The following NCAM1 variants were observed in gnomAD, a reference collection of about 807,000 sequenced individuals.
The protein encoded by NCAM1 is neural cell adhesion molecule 1.
In NCAM1, 14 loss-of-function variants were observed where a neutral mutation model predicts 109.8. The ratio of observed to expected loss-of-function variants is 0.13; its 90% CI spans 0.08 to 0.20. The LOEUF (loss-of-function observed/expected upper bound fraction) is 0.20, where lower values mean the gene tolerates loss of function less well. Among genes scored for constraint, NCAM1 ranks in the 10% least tolerant of loss-of-function variants. The pLI, the probability that NCAM1 is intolerant of heterozygous loss-of-function variation, is 1.00. For synonymous variants in NCAM1, 418 were observed against 442.9 expected, an observed-to-expected ratio of 0.94 and a Z score of 0.70; for missense variants, 774 against 1,109.9, an observed-to-expected ratio of 0.70 and a Z score of 4.30.
intron 1 of NCAM1, among the ~76,000 whole-genome samples, chr11:113,075,270 A>C (rs956280955): frequency 1.3e-5 from 2 of 151,964 alleles, no homozygotes; most frequent in Admixed American, 1.3e-4. Flanking sequence ...GCGTCTCACT[A>C]TGTTGCTCAG....
intron 1 of NCAM1, among the ~76,000 whole-genome samples, chr11:112,979,897 A>G (rs919635778): frequency 1.3e-5 from 2 of 151,798 alleles, no homozygotes; most frequent in South Asian, 2.1e-4. Context: ...ATGCAAAACA[A>G]AAACAGCTGG....
chr11:113,111,845 G>A (rs1178099962), intron 1 of NCAM1, among the ~76,000 whole-genome samples: 2 of 152,116 alleles, frequency 1.3e-5, no homozygotes, highest in Non-Finnish European at 2.9e-5. Flanking sequence ...TTTCTGATCA[G>A]TAATCATTCA....
chr11:113,230,117 T>C (rs1944961948), intron 9 of NCAM1, among the ~76,000 whole-genome samples: 2 of 151,952 alleles, frequency 1.3e-5, no homozygotes, highest in African/African-American at 4.8e-5. Flanking sequence ...AAAATAGCCC[T>C]GGAATGTATC....
chr11:113,192,554 T>C (rs1943715154), intron 1 of NCAM1, among the ~76,000 whole-genome samples: 1 of 152,178 alleles, frequency 6.6e-6, no homozygotes, highest in Non-Finnish European at 1.5e-5. Context: ...GTCCAGCTTA[T>C]TTAGCTGTGC....
At chr11:113,055,363 G>A (rs1371406812) in intron 1 of NCAM1, among the ~76,000 whole-genome samples, 1 of 152,144 alleles carries the variant, frequency 6.6e-6, no homozygotes, top group Non-Finnish European at 1.5e-5. Context: ...AAGCTCAGAG[G>A]AATGCAAAAG....
intron 1 of NCAM1, among the ~76,000 whole-genome samples, chr11:113,195,500 T>A (rs1943826664): frequency 7.0e-6 from 1 of 141,898 alleles, no homozygotes; most frequent in Non-Finnish European, 1.5e-5. Context: ...AGTAGATTTT[T>A]TTTTTTTTTT....
chr11:113,248,272 A>G (rs1432486886), intron 15 of NCAM1, among the ~76,000 whole-genome samples: 4 of 151,860 alleles, frequency 2.6e-5, no homozygotes, highest in African/African-American at 9.7e-5. Flanking sequence ...GAGAATTACA[A>G]AGCTATGATT....
rs563517800 is a variant in NCAM1 at position 112,982,042 on chromosome 11, A to G, written c.52+20378A>G. 6.6e-5 allele frequency among the ~76,000 whole-genome samples: 10 copies of G among 151,972 alleles called. No homozygotes were observed. The South Asian group carries it at 1.0e-3, about 16-fold the overall frequency. On this transcript the variant is annotated intron_variant, in intron 1 of 19. Transcript: ENST00000316851. ...GCCCATTATGTGACTTTTCCTCCGC[A>G]AGAAGTTTGTAACTTCCTTTGGCAA...
At position 113,232,712 on chromosome 11, in the gene NCAM1, C is replaced by T; in HGVS notation, c.1426-6C>T. On this transcript the variant is annotated splice_polypyrimidine_tract_variant and splice_region_variant and intron_variant, in intron 11 of 19. Coordinates refer to ENST00000316851, the MANE Select transcript of NCAM1 (RefSeq NM_181351.5). The stretch of plus-strand genomic sequence containing the variant: ...CTTGTAACCCAATAGCTTCTTCCTT[C>T]TAAAGGTGACCCCAGACTCTGAGAA... The T allele has an allele frequency of 6.2e-7, 1 of 1,610,212 alleles. No individual in the cohort carries two copies. Among genetic ancestry groups the T allele is most frequent in the South Asian group, 1.1e-5 (1 of 91,006 alleles).
At chr11:113,113,103 C>T (rs1940518025) in intron 1 of NCAM1, among the ~76,000 whole-genome samples, 1 of 152,106 alleles carries the variant, frequency 6.6e-6, no homozygotes. Flanking sequence ...CACTGCATTC[C>T]AGCCTGGGGG....
chr11:113,061,465 TAAA>T (rs1402282422), intron 1 of NCAM1, among the ~76,000 whole-genome samples: 16 of 152,170 alleles, frequency 1.1e-4, no homozygotes, highest in African/African-American at 3.9e-4. Flanking sequence ...GTATACCAAA[TAAA>T]AACGAAGCTC....
At chr11:113,015,018 C>G (rs1952172112) in intron 1 of NCAM1, among the ~76,000 whole-genome samples, 1 of 152,246 alleles carries the variant, frequency 6.6e-6, no homozygotes, top group Admixed American at 6.5e-5. Context: ...TGCTCTGTTT[C>G]ATCACCTTGC....
intron 1 of NCAM1, among the ~76,000 whole-genome samples, chr11:113,166,643 C>A (rs915203366): frequency 6.6e-6 from 1 of 152,116 alleles, no homozygotes; most frequent in Non-Finnish European, 1.5e-5. Flanking sequence ...GTGATGATAA[C>A]AAATAATGAC....
intron 1 of NCAM1, among the ~76,000 whole-genome samples, chr11:113,143,050 A>G (rs1555100768): frequency 6.6e-6 from 1 of 152,196 alleles, no homozygotes; most frequent in African/African-American, 2.4e-5. Flanking sequence ...TGCTAAAAAT[A>G]AGGATATAAT....
chr11:112,999,233 A>C (rs1555072011), intron 1 of NCAM1, among the ~76,000 whole-genome samples: 1 of 152,206 alleles, frequency 6.6e-6, no homozygotes, highest in Non-Finnish European at 1.5e-5. Flanking sequence ...GATTTCTCAA[A>C]AGACCTTCAC....
intron 1 of NCAM1, among the ~76,000 whole-genome samples, chr11:113,043,111 G>A (rs1953135487): frequency 6.6e-6 from 1 of 152,188 alleles, no homozygotes; most frequent in African/African-American, 2.4e-5. Flanking sequence ...TCCTCCCCAG[G>A]GTGGTAAATG....
At chr11:112,972,683 C>T (rs1489929724) in intron 1 of NCAM1, among the ~76,000 whole-genome samples, 1 of 152,100 alleles carries the variant, frequency 6.6e-6, no homozygotes, top group East Asian at 1.9e-4. Context: ...GGCAGCAGTA[C>T]TAAGGGTGGT....
At chr11:112,965,724 A>G (rs1232247928) in intron 1 of NCAM1, among the ~76,000 whole-genome samples, 1 of 152,204 alleles carries the variant, frequency 6.6e-6, no homozygotes, top group Non-Finnish European at 1.5e-5. Flanking sequence ...TGTCTTTAGT[A>G]TTAAAGAACT....
chr11:113,265,041 A>G, intron 17 of NCAM1: 1 of 985,290 alleles, frequency 1.0e-6, no homozygotes, highest in Non-Finnish European at 1.2e-6. Context: ...TCCACACACC[A>G]TGGGGCCCCT....
Sources: gnomAD v4.1 joint callset for allele counts (sites outside exome capture counted in the v4.1 genomes callset) on GRCh38, gnomAD v4.1.1 for gene constraint, MANE v1.5 for transcripts, NCBI Gene and HGNC (gene_info 2026-07-23, HGNC 2026-07-21) for gene names.